Variants in OPHN1 observed in about 807,000 individuals in gnomAD.
The protein encoded by OPHN1 is oligophrenin 1, also known as oligophrenin-1.
A neutral mutation model predicts 60.7 loss-of-function variants in OPHN1; 11 were observed. The observed-to-expected ratio is 0.18, with a 90% confidence interval of 0.11 to 0.30. The LOEUF is 0.30. Among genes scored for constraint, OPHN1 ranks in the 10% least tolerant of loss-of-function variants. The pLI, the probability that OPHN1 is intolerant of heterozygous loss-of-function variation, is 1.00. For synonymous variants in OPHN1, 226 were observed against 222.6 expected, an observed-to-expected ratio of 1.02 and a Z score of -0.14; for missense variants, 449 against 611.0, an observed-to-expected ratio of 0.73 and a Z score of 2.80.
At chrX:68,282,774 G>C (rs1402610164) in intron 4 of OPHN1, among the ~76,000 whole-genome samples, 1 of 111,525 alleles carries the variant, frequency 9.0e-6, no homozygotes, top group Non-Finnish European at 1.9e-5. Context: ...CTCAATTTCT[G>C]TCAACATGTT....
chrX:68,379,549 T>C (rs1169465955), intron 2 of OPHN1, among the ~76,000 whole-genome samples: 2 of 105,100 alleles, frequency 1.9e-5, no homozygotes, highest in Non-Finnish European at 3.9e-5. Context: ...CCATTCAGTA[T>C]GATATTGGCT....
intron 13 of OPHN1, 46 bp downstream of exon 13, chrX:68,194,419 G>A: frequency 9.3e-7 from 1 of 1,080,061 alleles, no homozygotes; most frequent in Non-Finnish European, 1.3e-6. Flanking sequence ...GAATCGGACA[G>A]CTGGCAGTTT....
At chrX:68,078,720 T>G (rs1048963616) in intron 19 of OPHN1, among the ~76,000 whole-genome samples, 1 of 110,812 alleles carries the variant, frequency 9.0e-6, no homozygotes, top group African/African-American at 3.3e-5. Context: ...GCGCGGTGGC[T>G]CATGTCTGTA....
chrX:68,427,200 C>T (rs1169249662), intron 2 of OPHN1, among the ~76,000 whole-genome samples: 3 of 107,288 alleles, frequency 2.8e-5, no homozygotes, highest in Non-Finnish European at 3.8e-5. Context: ...ACCCCGGAGG[C>T]GGAGGTTGCA....
intron 2 of OPHN1, among the ~76,000 whole-genome samples, chrX:68,376,441 A>G (rs2078557555): frequency 9.0e-6 from 1 of 111,343 alleles, no homozygotes; most frequent in African/African-American, 3.3e-5. Flanking sequence ...AGAGAGATAA[A>G]TGAGATGGAA....
At chrX:68,057,623 C>T (rs966149229) in intron 21 of OPHN1, among the ~76,000 whole-genome samples, 9 of 111,358 alleles carry the variant, frequency 8.1e-5, no homozygotes, top group African/African-American at 2.9e-4. Context: ...CATCATTAAC[C>T]TCATTTCCTC....
chrX:68,119,118 C>A, intron 16 of OPHN1, 130 bp downstream of exon 16: 1 of 496,793 alleles, frequency 2.0e-6, no homozygotes, highest in Non-Finnish European at 3.6e-6. Context: ...GGCCAGAAAT[C>A]CTCTTCACAT....
intron 15 of OPHN1, among the ~76,000 whole-genome samples, chrX:68,151,112 T>G (rs1361129578): frequency 9.0e-6 from 1 of 111,301 alleles, no homozygotes; most frequent in Non-Finnish European, 1.9e-5. Context: ...GGCTTCAGGA[T>G]TCAGACAGCT....
At chrX:68,433,807 T>C, upstream of OPHN1, 1 of 295,469 alleles carries the variant, frequency 3.4e-6, no homozygotes, top group Non-Finnish European at 5.9e-6. Flanking sequence ...CGACGCACAA[T>C]AGCCGCGGTA....
At chrX:68,407,161 GC>G (rs2078747428) in intron 2 of OPHN1, among the ~76,000 whole-genome samples, 1 of 112,546 alleles carries the variant, frequency 8.9e-6, no homozygotes, top group South Asian at 3.6e-4. Context: ...CCCAGATCAT[GC>G]CACTGCACTC....
Position 68,070,588 on chromosome X carries a change from C to T in OPHN1, c.1834+2564G>A, listed in dbSNP as rs920355977. On this transcript the variant is annotated intron_variant, in intron 20 of 24. Transcript: ENST00000355520. Reference sequence around the variant, plus strand: ...TCCAGGAGCTCTAAACTGGCACCACCCGTAGTGCTCACATGTCTGATTTTA... The same window carrying T: ...TCCAGGAGCTCTAAACTGGCACCACTCGTAGTGCTCACATGTCTGATTTTA... 4 of 650,592 alleles carry T rather than the reference C, an allele frequency of 6.1e-6. No homozygotes were observed. The African/African-American group carries it at 8.7e-5, about 14-fold the overall frequency. 53.6% of individuals were successfully genotyped at this position (650,592 alleles called of 1,213,427 possible).
intron 15 of OPHN1, among the ~76,000 whole-genome samples, chrX:68,149,802 C>CAA (rs751179317): frequency 1.0e-5 from 1 of 100,058 alleles, no homozygotes; most frequent in East Asian, 3.1e-4. Context: ...AGTTATATAC[C>CAA]AAAAAAAAAA....
chrX:68,390,900 TAC>T (rs948249360), intron 2 of OPHN1, among the ~76,000 whole-genome samples: 1 of 112,074 alleles, frequency 8.9e-6, no homozygotes, highest in African/African-American at 3.2e-5. Flanking sequence ...TTTATTATCT[TAC>T]AATTCTGGAT....
intron 10 of OPHN1, among the ~76,000 whole-genome samples, chrX:68,203,847 C>A (rs1185255226): frequency 8.9e-6 from 1 of 112,868 alleles, no homozygotes; most frequent in Non-Finnish European, 1.9e-5. Context: ...CTGCAAACTG[C>A]AGTTCAGCTT....
intron 2 of OPHN1, among the ~76,000 whole-genome samples, chrX:68,365,363 A>G (rs6525226): frequency 0.31 from 34,227 of 110,467 alleles, 7,753 homozygotes; most frequent in African/African-American, 0.81. Context: ...TACGTAGCAT[A>G]TTGAAGAAGC....
chrX:68,212,042 G>A lies in OPHN1; in HGVS notation c.702+66C>T. On this transcript the variant is annotated intron_variant, in intron 8 of 24. Transcript: ENST00000355520. ...AGTAACCTAGAATTCCAAGAATCAA[G>A]GTCGCTAGGGCTGAAATTCAATCGG... The A allele has an allele frequency of 3.8e-6, 3 of 794,559 alleles. No individual in the cohort carries two copies. The South Asian group carries it at 6.6e-5, about 17-fold the overall frequency. 65.5% of individuals were successfully genotyped at this position (794,559 alleles called of 1,213,427 possible).
chrX:68,322,753 C>G (rs2078241617), intron 2 of OPHN1, among the ~76,000 whole-genome samples: 2 of 111,627 alleles, frequency 1.8e-5, no homozygotes, highest in Admixed American at 1.9e-4. Context: ...CACCATTGCA[C>G]TCCAGCCTGG....
chrX:68,190,772 A>G (rs1033781359), intron 15 of OPHN1, among the ~76,000 whole-genome samples: 5 of 112,494 alleles, frequency 4.4e-5, no homozygotes, highest in African/African-American at 1.6e-4. Flanking sequence ...TCTGAGTTCA[A>G]TAATTTTTCA....
At chrX:68,178,080 C>T (rs1244666086) in intron 15 of OPHN1, among the ~76,000 whole-genome samples, 3 of 111,937 alleles carry the variant, frequency 2.7e-5, no homozygotes, top group African/African-American at 9.7e-5. Flanking sequence ...TACCCCATTA[C>T]ACACTATATT....
Sources: allele counts gnomAD v4.1 joint callset (sites outside exome capture counted in the v4.1 genomes callset), GRCh38; gene constraint gnomAD v4.1.1; transcripts MANE v1.5; gene names NCBI Gene and HGNC (gene_info 2026-07-23, HGNC 2026-07-21).